Variants in PHF12 observed in about 807,000 individuals in gnomAD.
PHF12 encodes PHD factor 1.
In PHF12, 6 loss-of-function variants were observed where a neutral mutation model predicts 99.8. The ratio of observed to expected loss-of-function variants is 0.06; its 90% confidence interval spans 0.03 to 0.12. The LOEUF is 0.12. Ranked by LOEUF, PHF12 falls within the 10% of genes least tolerant of loss-of-function variation. The pLI, the probability that PHF12 is intolerant of heterozygous loss-of-function variation, is 1.00. For missense variants in PHF12, 954 were observed against 1,300.1 expected (o/e 0.73, Z 4.09); for synonymous variants, 480 against 514.9 (o/e 0.93, Z 0.92).
chr17:28,918,382 T>G (rs2040098760), intron 6 of PHF12, among the ~76,000 whole-genome samples: 1 of 152,228 alleles, frequency 6.6e-6, no homozygotes, highest in African/African-American at 2.4e-5. Flanking sequence ...AGAAAAATCT[T>G]TGACTGGCAT....
At chr17:28,924,452 G>A in intron 3 of PHF12, 150 bp from the exon 4 acceptor site, 1 of 1,043,992 alleles carries the variant, frequency 9.6e-7, no homozygotes. Context: ...ACACTGGTCT[G>A]TTAAAGTTGA....
intron 5 of PHF12, among the ~76,000 whole-genome samples, chr17:28,921,003 A>G (rs1481810022): frequency 6.6e-6 from 1 of 151,876 alleles, no homozygotes; most frequent in Non-Finnish European, 1.5e-5. Context: ...CCTTCAGAGT[A>G]GCTGGGATTA....
intron 2 of PHF12, among the ~76,000 whole-genome samples, chr17:28,931,087 A>G (rs1181358491): frequency 6.6e-6 from 1 of 152,104 alleles, no homozygotes; most frequent in African/African-American, 2.4e-5. Flanking sequence ...AAAAACAAAC[A>G]AACAAAACCA....
In PHF12 at chr17:28,950,786, C is replaced by T. The variant is rs903688233; in HGVS notation, c.66+109G>A. On this transcript the variant is annotated intron_variant, in intron 1 of 14. Coordinates refer to ENST00000332830, the MANE Select transcript of PHF12 (RefSeq NM_001033561.2). This position sits in a 1 kb window ranked among gnomAD's most constrained non-coding sequence, Gnocchi z 5.7. ...GGAGAGGCTAGGTGAGGAAGAATCC[C>T]CCTCCCTCGGCCATCTAGGCGCTTC... 2.0e-6 allele frequency: 3 copies of T among 1,464,906 alleles called. No individual in the cohort carries two copies. The highest frequency in any genetic ancestry group is 2.9e-5 in the African/African-American group (2 of 69,700). The allele number at this position is 1,464,906 out of a possible 1,614,324, so 90.7% of individuals were successfully genotyped here.
chr17:28,932,448 T>C (rs1387719596), intron 2 of PHF12, among the ~76,000 whole-genome samples: 1 of 152,184 alleles, frequency 6.6e-6, no homozygotes, highest in Non-Finnish European at 1.5e-5. Flanking sequence ...GCAAATTTTT[T>C]AGAGGAAAGG....
At chr17:28,939,542 G>C (rs1313453033) in intron 2 of PHF12, among the ~76,000 whole-genome samples, 1 of 152,208 alleles carries the variant, frequency 6.6e-6, no homozygotes, top group East Asian at 1.9e-4. Flanking sequence ...TTTAGTGAAC[G>C]TGGGAATTAA....
At chr17:28,928,996 C>T (rs1171757694) in intron 2 of PHF12, among the ~76,000 whole-genome samples, 5 of 150,046 alleles carry the variant, frequency 3.3e-5, no homozygotes, top group African/African-American at 4.9e-5. Context: ...CTCAGGAGGC[C>T]GAGGCAGGAG....
At chr17:28,942,967 T>C (rs1438043659) in intron 2 of PHF12, among the ~76,000 whole-genome samples, 1 of 152,006 alleles carries the variant, frequency 6.6e-6, no homozygotes, top group African/African-American at 2.4e-5. Context: ...CATAACTCAA[T>C]TAAAAAACCA....
chr17:28,912,676 C>G lies in PHF12; in HGVS notation c.1895G>C (p.Cys632Ser), dbSNP rs2039983381. The change falls in exon 9 of 15, where the codon TGT (cysteine) becomes TCT (serine). Residue 632 changes from cysteine to serine, a missense_variant. By Grantham distance (112) the Cys-to-Ser change is moderately radical. Transcript: ENST00000332830. Reference sequence around the variant, plus strand: ...AGTGCTGGTGTTCTCGATGCTGGCACAAGAGCTGGGAATGGAAGGGGGCAG... The same window carrying G: ...AGTGCTGGTGTTCTCGATGCTGGCAGAAGAGCTGGGAATGGAAGGGGGCAG... ...PSLPPSIPSSCASIENTSTLQ... is the reference protein window; with the variant it reads ...PSLPPSIPSSSASIENTSTLQ... The G allele has an allele frequency of 1.9e-6, 3 of 1,614,108 alleles. No individual in the cohort carries two copies. The highest frequency in any genetic ancestry group is 2.5e-6 in the Non-Finnish European group (3 of 1,180,048).
rs573340068 is a variant in PHF12, at chr17:28,950,742, T to G, written c.66+153A>C. The G allele has an allele frequency of 9.6e-6, 11 of 1,148,792 alleles. No homozygotes were observed. The highest frequency in any genetic ancestry group is 1.3e-5 in the Non-Finnish European group (11 of 850,734). 71.2% of individuals were successfully genotyped at this position (1,148,792 alleles called of 1,614,324 possible). On this transcript the variant is annotated intron_variant, in intron 1 of 14. Transcript: ENST00000332830. This position sits in a 1 kb window ranked among gnomAD's most constrained non-coding sequence, Gnocchi z 5.7. Reference sequence around the variant, plus strand: ...TCCTCGGAGGCTGAGCTCAGCCCCCTAAATTGCAAAGAGGGGAGGGAGAGG... The same window carrying G: ...TCCTCGGAGGCTGAGCTCAGCCCCCGAAATTGCAAAGAGGGGAGGGAGAGG...
intron 4 of PHF12, among the ~76,000 whole-genome samples, chr17:28,922,321 T>C (rs1466711780): frequency 6.6e-6 from 1 of 152,176 alleles, no homozygotes; most frequent in South Asian, 2.1e-4. Flanking sequence ...CTCCAATTCC[T>C]GGCCTTAAGC....
In PHF12 at chr17:28,906,242, C is replaced by A; in HGVS notation, c.2956G>T (p.Glu986Ter). ...ASLLQDGVLAEKLSLKPHQGP... is the reference protein window; with the variant it reads ...ASLLQDGVLA ...TGGTGGGGCTTGAGAGAGAGCTTCT[C>A]GGCCAAGACCCCATCCTGCAGCAGG... Residue 986 changes from glutamate (E) to a stop codon, truncating the protein, a stop_gained, in exon 15 of 15, where the codon GAG (glutamate) becomes TAG (stop). Coordinates refer to ENST00000332830, the MANE Select transcript of PHF12 (RefSeq NM_001033561.2). LOFTEE classifies it high-confidence loss of function. This position sits in a 1 kb window ranked among gnomAD's most constrained non-coding sequence, Gnocchi z 4.2. The A allele has an allele frequency of 6.2e-7, 1 of 1,612,728 alleles. No individual in the cohort carries two copies. The highest frequency in any genetic ancestry group is 8.5e-7 in the Non-Finnish European group (1 of 1,178,896).
Position 28,912,643 on chromosome 17 carries a change from C to T in PHF12, c.1928G>A (p.Arg643Lys), listed in dbSNP as rs1390291480. The T allele has an allele frequency of 6.2e-7, 1 of 1,614,216 alleles. No homozygotes were observed. Among genetic ancestry groups the T allele is most frequent in the Non-Finnish European group, 8.5e-7 (1 of 1,180,052 alleles). ...TCCTATCTGTGATTGGACAGTCTTTCTTTGCAAAGTGCTGGTGTTCTCGAT... is the reference window on the plus strand; with the variant it reads ...TCCTATCTGTGATTGGACAGTCTTTTTTTGCAAAGTGCTGGTGTTCTCGAT... Reference protein sequence around the residue: ...ASIENTSTLQRKTVQSQIGPP... With the variant: ...ASIENTSTLQKKTVQSQIGPP... The change falls in exon 9 of 15, where the codon AGA becomes AAA. Residue 643 changes from arginine (R) to lysine (K), a missense_variant. Physicochemically the swap from Arg to Lys is conservative, Grantham distance 26. Around this residue, in one of 8 missense-constraint regions of PHF12, gnomAD observed 392 missense variants for 423.1 expected, o/e 0.93. Transcript: ENST00000332830.
rs1343436702 is a variant in PHF12 at position 28,942,968 on chromosome 17, T to TA, written c.248+7096dup. ...ATATAAAGAACTCTCATAACTCAAT[T>TA]AAAAAACCAAACAACTCAATTAAAA... On this transcript the variant is annotated intron_variant, in intron 2 of 14. Transcript: ENST00000332830. Among the ~76,000 whole-genome samples the TA allele has an allele frequency of 5.3e-5, 8 of 151,984 alleles. No homozygotes were observed. In the East Asian group the frequency reaches 1.5e-3, roughly 29 times the overall value.
intron 7 of PHF12, among the ~76,000 whole-genome samples, chr17:28,914,443 C>G (rs189352779): frequency 3.6e-4 from 55 of 151,890 alleles, no homozygotes; most frequent in African/African-American, 1.3e-3. Flanking sequence ...GAGGCCGAGG[C>G]GGGAGGATCA....
intron 10 of PHF12, 114 bp downstream of exon 10, chr17:28,910,998 A>T (rs774158646): frequency 2.1e-6 from 3 of 1,405,908 alleles, no homozygotes; most frequent in Non-Finnish European, 2.9e-6. Flanking sequence ...ATCTCCCCCT[A>T]GGCCTCTGGG....
At chr17:28,946,174 A>T (rs559140003) in intron 2 of PHF12, among the ~76,000 whole-genome samples, 1 of 152,282 alleles carries the variant, frequency 6.6e-6, no homozygotes, top group East Asian at 1.9e-4. Flanking sequence ...TCTCTTTCCA[A>T]TTCTCTAGGG....
At chr17:28,915,316 G>T (rs1272800550) in intron 7 of PHF12, among the ~76,000 whole-genome samples, 1 of 152,168 alleles carries the variant, frequency 6.6e-6, no homozygotes. Context: ...ACTGAAAATG[G>T]TTCCCAGAAT....
intron 12 of PHF12, 91 bp from the exon 13 acceptor site, chr17:28,907,763 T>TAG: frequency 7.8e-7 from 1 of 1,279,024 alleles, no homozygotes; most frequent in Non-Finnish European, 1.1e-6. Context: ...GAGAGTTAGC[T>TAG]TCTGGGTTGG....
Sources: gnomAD v4.1 joint callset for allele counts (sites outside exome capture counted in the v4.1 genomes callset) on GRCh38, gnomAD v4.1.1 for gene constraint, gnomAD v4.1.1 regional missense constraint, Gnocchi (gnomAD v3.1) non-coding constraint, MANE v1.5 for transcripts, NCBI Gene and HGNC (gene_info 2026-07-23, HGNC 2026-07-21) for gene names.